The following ARHGAP10 variants were observed in gnomAD, a reference collection of about 807,000 sequenced individuals.
ARHGAP10 encodes the protein rho GTPase-activating protein 10.
In ARHGAP10, 87 loss-of-function variants were observed where a neutral mutation model predicts 108.6. The observed-to-expected ratio is 0.80, with a 90% CI of 0.67 to 0.96. The LOEUF is 0.96. Ranked by LOEUF, ARHGAP10 falls within the 40% of genes least tolerant of loss-of-function variation. The pLI, the probability that ARHGAP10 is intolerant of heterozygous loss-of-function variation, is 0.00. For synonymous variants in ARHGAP10, 347 were observed against 341.1 expected, an observed-to-expected ratio of 1.02 and a Z score of -0.19; for missense variants, 939 against 954.5, an observed-to-expected ratio of 0.98 and a Z score of 0.21.
intron 3 of ARHGAP10, among the ~76,000 whole-genome samples, chr4:147,845,888 G>A (rs1216292574): frequency 6.6e-6 from 1 of 152,196 alleles, no homozygotes; most frequent in Admixed American, 6.5e-5. Flanking sequence ...GGGGAGTCAG[G>A]ATTCCTGGCT....
chr4:148,062,253 T>C (rs1196386894), intron 20 of ARHGAP10, among the ~76,000 whole-genome samples: 8 of 152,164 alleles, frequency 5.3e-5, no homozygotes. Context: ...ACGGTGCTAG[T>C]TCTCCGGCAG....
intron 7 of ARHGAP10, among the ~76,000 whole-genome samples, chr4:147,868,698 A>C (rs992936782): frequency 1.3e-5 from 2 of 152,296 alleles, no homozygotes; most frequent in Admixed American, 1.3e-4. Context: ...AAGGTAGGGG[A>C]TGGTTTCGTG....
At chr4:148,043,786 A>G (rs556039847) in intron 19 of ARHGAP10, among the ~76,000 whole-genome samples, 99 of 145,686 alleles carry the variant, frequency 6.8e-4, no homozygotes, top group African/African-American at 1.8e-3. Context: ...GTATATATAT[A>G]TGTATATATA....
intron 4 of ARHGAP10, among the ~76,000 whole-genome samples, chr4:147,848,328 A>G (rs1345727099): frequency 6.6e-6 from 1 of 152,264 alleles, no homozygotes; most frequent in Non-Finnish European, 1.5e-5. Context: ...CCCTGTGAAC[A>G]GTGGGAGATC....
At chr4:147,974,131 G>A (rs957997142) in intron 18 of ARHGAP10, among the ~76,000 whole-genome samples, 1 of 151,884 alleles carries the variant, frequency 6.6e-6, no homozygotes, top group African/African-American at 2.4e-5. Flanking sequence ...CTCCATAGGG[G>A]TACATTCCCA....
At chr4:147,778,285 C>G (rs1333624407) in intron 1 of ARHGAP10, among the ~76,000 whole-genome samples, 1 of 152,074 alleles carries the variant, frequency 6.6e-6, no homozygotes, top group Non-Finnish European at 1.5e-5. Context: ...CTTTTTGCCC[C>G]TCATATCACG....
intron 12 of ARHGAP10, among the ~76,000 whole-genome samples, chr4:147,911,583 T>C (rs4240344): frequency 0.8 from 121,171 of 152,008 alleles, 51,945 homozygotes; most frequent in Non-Finnish European, 0.97. Flanking sequence ...AGGATGGTCT[T>C]GATCTCCTGA....
At chr4:148,067,084 G>T (rs556631795) in intron 22 of ARHGAP10, among the ~76,000 whole-genome samples, 1 of 152,146 alleles carries the variant, frequency 6.6e-6, no homozygotes, top group Non-Finnish European at 1.5e-5. Context: ...ATACCTTGTG[G>T]ATGTGTTGAC....
chr4:147,820,823 T>G (rs1003027308), intron 1 of ARHGAP10, among the ~76,000 whole-genome samples: 2 of 152,060 alleles, frequency 1.3e-5, no homozygotes, highest in Non-Finnish European at 2.9e-5. Flanking sequence ...ACTCCTGGTC[T>G]CAAGTGATCT....
At chr4:147,794,388 T>C (rs532072373) in intron 1 of ARHGAP10, among the ~76,000 whole-genome samples, 8 of 152,324 alleles carry the variant, frequency 5.3e-5, no homozygotes, top group African/African-American at 1.9e-4. Flanking sequence ...ATGAAGAGGA[T>C]CCTATAATTA....
chr4:148,053,264 G>T (rs1224728371), intron 20 of ARHGAP10, among the ~76,000 whole-genome samples: 1 of 152,090 alleles, frequency 6.6e-6, no homozygotes, highest in African/African-American at 2.4e-5. Context: ...TTGCATATGG[G>T]GACATTGCTT....
At chr4:147,866,154 G>C (rs1299412214) in intron 6 of ARHGAP10, 1 of 152,218 alleles carries the variant, frequency 6.6e-6, no homozygotes, top group Non-Finnish European at 1.5e-5. Context: ...TTTACTTCTA[G>C]ATTTATTGAC....
chr4:147,779,722 C>A (rs1193376583), intron 1 of ARHGAP10, among the ~76,000 whole-genome samples: 1 of 152,198 alleles, frequency 6.6e-6, no homozygotes, highest in Non-Finnish European at 1.5e-5. Context: ...AAGTTATTTT[C>A]TTCCAAAGAT....
chr4:148,068,248 G>T (rs1729989687), intron 22 of ARHGAP10, among the ~76,000 whole-genome samples: 1 of 152,192 alleles, frequency 6.6e-6, no homozygotes, highest in Non-Finnish European at 1.5e-5. Flanking sequence ...GGCAGCGGCA[G>T]CAGCAGCGGG....
chr4:147,772,482 T>C (rs923393859), intron 1 of ARHGAP10, among the ~76,000 whole-genome samples: 3 of 152,062 alleles, frequency 2.0e-5, no homozygotes, highest in African/African-American at 7.2e-5. Context: ...ATGAGAAAAA[T>C]GAGTATAGGC....
chr4:147,805,928 T>G (rs1731763785), intron 1 of ARHGAP10, among the ~76,000 whole-genome samples: 1 of 152,224 alleles, frequency 6.6e-6, no homozygotes, highest in South Asian at 2.1e-4. Context: ...CCAAACTGTC[T>G]CAAATTTAAG....
In ARHGAP10 at chr4:147,797,283, A is replaced by T. The variant is rs565849128; in HGVS notation, c.155-25444A>T. Among the ~76,000 whole-genome samples the T allele has an allele frequency of 5.3e-5, 8 of 151,870 alleles. No homozygotes were observed. In the South Asian group the frequency reaches 1.7e-3, roughly 32 times the overall value. Reference sequence around the variant, plus strand: ...TTATTACCCTCCAGATGAAGATCCAACCTCTTAGCCAGGTCTTTACACTGA... The same window carrying T: ...TTATTACCCTCCAGATGAAGATCCATCCTCTTAGCCAGGTCTTTACACTGA... On this transcript the variant is annotated intron_variant, in intron 1 of 22. Transcript: ENST00000336498.
intron 19 of ARHGAP10, among the ~76,000 whole-genome samples, chr4:148,024,383 G>A (rs1363149042): frequency 1.3e-5 from 2 of 152,184 alleles, no homozygotes; most frequent in African/African-American, 4.8e-5. Flanking sequence ...GAGTGAGGAA[G>A]GGGATGAGGA....
chr4:148,028,830 C>T (rs144309685), intron 19 of ARHGAP10, among the ~76,000 whole-genome samples: 7 of 152,116 alleles, frequency 4.6e-5, no homozygotes, highest in Admixed American at 2.6e-4. Flanking sequence ...TAAAGCAAAT[C>T]GGGGACTTCT....
Sources: gnomAD v4.1 joint callset for allele counts (sites outside exome capture counted in the v4.1 genomes callset) on GRCh38, gnomAD v4.1.1 for gene constraint, MANE v1.5 for transcripts, NCBI Gene and HGNC (gene_info 2026-07-23, HGNC 2026-07-21) for gene names.